HERC3: variants seen among roughly 807,000 people sequenced by gnomAD.
The protein encoded by HERC3 is HECT and RLD domain containing E3 ubiquitin protein ligase 3, also known as probable E3 ubiquitin-protein ligase HERC3.
In HERC3, 58 loss-of-function variants were observed where a neutral mutation model predicts 129.9. That is an observed-to-expected ratio of 0.45 (90% CI 0.36 to 0.56). The LOEUF is 0.56. Ranked by LOEUF, HERC3 falls within the 20% of genes least tolerant of loss-of-function variation. The pLI is 0.00. For synonymous variants in HERC3, 430 were observed against 451.0 expected, an observed-to-expected ratio of 0.95 and a Z score of 0.59; for missense variants, 835 against 1,244.2, an observed-to-expected ratio of 0.67 and a Z score of 4.95.
At chr4:88,617,069 C>T (rs1179562571) in intron 3 of HERC3, among the ~76,000 whole-genome samples, 1 of 149,278 alleles carries the variant, frequency 6.7e-6, no homozygotes, top group Non-Finnish European at 1.5e-5. Flanking sequence ...ATTATTTTCT[C>T]TCATGATATT....
At chr4:88,602,423 A>G (rs13148207) in intron 2 of HERC3, among the ~76,000 whole-genome samples, 1 of 151,676 alleles carries the variant, frequency 6.6e-6, no homozygotes, top group Admixed American at 6.6e-5. Context: ...AAAAAAAAAA[A>G]AAAGTATGTT....
the HERC3 span, among the ~76,000 whole-genome samples, chr4:88,552,281 TAA>T: frequency 2.6e-3 from 368 of 143,288 alleles, no homozygotes; most frequent in African/African-American, 8.7e-3. Flanking sequence ...ACTTAAAGTA[TAA>T]AAAAAAAAAA....
the HERC3 span, among the ~76,000 whole-genome samples, chr4:88,530,220 G>A: frequency 2.6e-5 from 4 of 152,168 alleles, no homozygotes; most frequent in South Asian, 6.2e-4. Flanking sequence ...AACCAGGGAC[G>A]TGGAGGTTGC....
rs1250153765 is a variant in HERC3, at chr4:88,654,371, TATATATATATATATATAC to T, written c.777+240_777+257del. ...TTTCATATATATATATATATATATA[TATATATATATATATATAC>T]ACACACACACATAATGTAGATTATA... is the stretch of plus-strand genomic sequence containing the variant. On this transcript the variant is annotated intron_variant, in intron 7 of 25. Transcript: ENST00000402738. 5.0e-3 allele frequency among the ~76,000 whole-genome samples: 646 copies of T among 128,420 alleles called. 8 individuals are homozygous for T. Among genetic ancestry groups the T allele is most frequent in the African/African-American group, 0.02 (602 of 29,440 alleles). 84.2% of individuals were successfully genotyped at this position (128,420 alleles called of 152,430 possible). A position where few individuals can be genotyped will look rare whatever the true frequency, so the allele number is the denominator to read the frequency against.
chr4:88,627,373 T>C (rs1485055100), intron 3 of HERC3, among the ~76,000 whole-genome samples: 2 of 152,128 alleles, frequency 1.3e-5, no homozygotes, highest in Non-Finnish European at 2.9e-5. Context: ...AACAATATAC[T>C]ATTGTTATTT....
At chr4:88,693,624 T>TA (rs1219398550) in intron 23 of HERC3, 43 of 972,324 alleles carry the variant, frequency 4.4e-5, no homozygotes, top group Non-Finnish European at 2.9e-5. Flanking sequence ...TGGTTAATTT[T>TA]ATGTTATGCA....
At chr4:88,666,264 C>T (rs1578273665) in intron 12 of HERC3, among the ~76,000 whole-genome samples, 2 of 152,158 alleles carry the variant, frequency 1.3e-5, no homozygotes, top group African/African-American at 2.4e-5. Flanking sequence ...ACTCCTGTAG[C>T]GTACATAGGA....
intron 12 of HERC3, among the ~76,000 whole-genome samples, chr4:88,666,274 A>G (rs1262678670): frequency 1.3e-5 from 2 of 152,140 alleles, no homozygotes; most frequent in African/African-American, 4.8e-5. Context: ...CGTACATAGG[A>G]TGCATCTCAG....
chr4:88,562,702 T>A, the HERC3 span, among the ~76,000 whole-genome samples: 1 of 152,224 alleles, frequency 6.6e-6, no homozygotes, highest in Non-Finnish European at 1.5e-5. Context: ...GGTGGTCTAG[T>A]TTCATTCTTC....
chr4:88,606,260 T>C (rs1426504994), intron 3 of HERC3, among the ~76,000 whole-genome samples: 1 of 151,040 alleles, frequency 6.6e-6, no homozygotes, highest in East Asian at 1.9e-4. Flanking sequence ...TTTCTTTTTT[T>C]TTTTTTTTTG....
the HERC3 span, among the ~76,000 whole-genome samples, chr4:88,533,494 T>C: frequency 3.9e-4 from 59 of 152,312 alleles, no homozygotes; most frequent in South Asian, 0.012. Context: ...CGATGTCACC[T>C]GAGACCTATG....
the HERC3 span, among the ~76,000 whole-genome samples, chr4:88,569,042 G>A: frequency 3.9e-5 from 6 of 152,038 alleles, no homozygotes; most frequent in East Asian, 5.8e-4. Context: ...ACCTGCCCAG[G>A]AATTACAATC....
the HERC3 span, among the ~76,000 whole-genome samples, chr4:88,554,102 T>C: frequency 1.9e-4 from 29 of 152,156 alleles, 1 homozygote; most frequent in South Asian, 5.2e-3. Flanking sequence ...AATCCCAGCA[T>C]GTTGGGAGGC....
intron 10 of HERC3, among the ~76,000 whole-genome samples, chr4:88,661,810 G>T: frequency 6.6e-6 from 1 of 152,036 alleles, no homozygotes; most frequent in East Asian, 1.9e-4. Context: ...GTTTTTATAG[G>T]TTATTTGTCA....
At chr4:88,623,720 T>A (rs1725793014) in intron 3 of HERC3, among the ~76,000 whole-genome samples, 1 of 152,228 alleles carries the variant, frequency 6.6e-6, no homozygotes, top group South Asian at 2.1e-4. Flanking sequence ...TTTTCACCCC[T>A]AGTATTTATA....
At chr4:88,667,789 A>G in intron 13 of HERC3, 103 bp from the exon 14 acceptor site, 1 of 846,414 alleles carries the variant, frequency 1.2e-6, no homozygotes, top group African/African-American at 1.7e-5. Flanking sequence ...TGCATAGTGA[A>G]TGAATGAGAG....
chr4:88,666,260 G>A (rs17014385), intron 12 of HERC3, among the ~76,000 whole-genome samples: 7,057 of 152,118 alleles, frequency 0.046, 208 homozygotes, highest in Middle Eastern at 0.12. Context: ...GTCTACTCCT[G>A]TAGCGTACAT....
chr4:88,661,451 T>A (rs1055106633), intron 10 of HERC3, among the ~76,000 whole-genome samples: 1 of 152,198 alleles, frequency 6.6e-6, no homozygotes, highest in African/African-American at 2.4e-5. Flanking sequence ...CTTTGAAAGT[T>A]ATGTTTTTAT....
chr4:88,544,149 G>C, the HERC3 span, among the ~76,000 whole-genome samples: 1 of 152,152 alleles, frequency 6.6e-6, no homozygotes, highest in Non-Finnish European at 1.5e-5. Context: ...CAGAATGGGA[G>C]AAAATTTTTG....
Sources: allele counts gnomAD v4.1 joint callset (sites outside exome capture counted in the v4.1 genomes callset), GRCh38; gene constraint gnomAD v4.1.1; transcripts MANE v1.5; gene names NCBI Gene and HGNC (gene_info 2026-07-23, HGNC 2026-07-21).